The following INSC variants were observed in gnomAD, a reference collection of about 807,000 sequenced individuals.
INSC encodes protein inscuteable homolog.
INSC carries 67 observed loss-of-function variants against 58.6 expected under a neutral mutation model. The observed-to-expected ratio is 1.14, with a 90% CI of 0.94 to 1.40. The LOEUF (loss-of-function observed/expected upper bound fraction) is 1.40, where lower values mean the gene tolerates loss of function less well. Ranked by LOEUF, INSC falls within the 40% of genes most tolerant of loss-of-function variation. INSC has a pLI of 0.00. For synonymous variants in INSC, 262 were observed against 276.1 expected, an observed-to-expected ratio of 0.95 and a Z score of 0.51; for missense variants, 714 against 692.0, an observed-to-expected ratio of 1.03 and a Z score of -0.36.
intron 7 of INSC, among the ~76,000 whole-genome samples, chr11:15,207,341 C>G (rs959949023): frequency 2.0e-5 from 3 of 152,156 alleles, no homozygotes; most frequent in African/African-American, 7.2e-5. Context: ...AGTTAGTTCA[C>G]TCTGTGCTGG....
Position 15,115,052 on chromosome 11 carries a change from T to C in INSC, c.-46+49T>C, listed in dbSNP as rs544610017. On this transcript the variant is annotated intron_variant, in intron 1 of 12. Coordinates refer to ENST00000379556, the MANE Select transcript of INSC (RefSeq NM_001042536.3). The stretch of plus-strand genomic sequence containing the variant: ...GGATTCAGGGGGCTGGTGATGCCTC[T>C]GCTAGCCTAGTTGGGAACAGTGCAG... 94 of 970,168 alleles carry C rather than the reference T, an allele frequency of 9.7e-5. 1 individual carries two copies. In the African/African-American group the frequency reaches 1.6e-3, roughly 16 times the overall value. The allele number at this position is 970,168 out of a possible 1,614,324, so 60.1% of individuals were successfully genotyped here. A position where few individuals can be genotyped will look rare whatever the true frequency, so the allele number is the denominator to read the frequency against.
At chr11:15,124,471 C>T (rs1460479573) in intron 1 of INSC, among the ~76,000 whole-genome samples, 1 of 152,122 alleles carries the variant, frequency 6.6e-6, no homozygotes, top group Non-Finnish European at 1.5e-5. Flanking sequence ...TGTTAGGGGG[C>T]TCTGGCCTTA....
At chr11:15,185,076 G>T (rs763691729) in intron 5 of INSC, among the ~76,000 whole-genome samples, 1 of 152,184 alleles carries the variant, frequency 6.6e-6, no homozygotes, top group African/African-American at 2.4e-5. Flanking sequence ...CACCTCTAAA[G>T]ATTGGGTAAC....
At chr11:15,188,235 A>G in intron 5 of INSC, 1 of 985,460 alleles carries the variant, frequency 1.0e-6, no homozygotes. Flanking sequence ...TGCGAAGGGA[A>G]TGGGAAGCCA....
chr11:15,269,101 C>T, the INSC span, among the ~76,000 whole-genome samples: 1 of 151,708 alleles, frequency 6.6e-6, no homozygotes, highest in African/African-American at 2.4e-5. Context: ...ACAATGTTAC[C>T]CTACTCAGTA....
chr11:15,208,425 G>T (rs1850891749), intron 7 of INSC, among the ~76,000 whole-genome samples: 1 of 152,216 alleles, frequency 6.6e-6, no homozygotes, highest in African/African-American at 2.4e-5. Flanking sequence ...AGCCTTGCAA[G>T]GGGGCAGGGC....
intron 7 of INSC, among the ~76,000 whole-genome samples, chr11:15,211,484 G>T (rs1158480411): frequency 6.6e-6 from 1 of 152,034 alleles, no homozygotes; most frequent in African/African-American, 2.4e-5. Flanking sequence ...CCTGTGGTAG[G>T]TTTTTTTATT....
At position 15,212,214 on chromosome 11, in the gene INSC, G is replaced by C. The variant is rs568341416; in HGVS notation, c.820-9263G>C. On this transcript the variant is annotated intron_variant, in intron 7 of 12. Transcript: ENST00000379556. Reference sequence around the variant, plus strand: ...CCTCCCGGGTTCAAGCGATTCTCCTGCCTCAGCCTCCTGAGTAGCTAGGAT... The same window carrying C: ...CCTCCCGGGTTCAAGCGATTCTCCTCCCTCAGCCTCCTGAGTAGCTAGGAT... Among the ~76,000 whole-genome samples, 35 of 152,242 alleles carry C rather than the reference G, an allele frequency of 2.3e-4. No homozygotes were observed. The East Asian group carries it at 6.6e-3, about 29-fold the overall frequency.
At chr11:15,155,123 A>G (rs116061780) in intron 2 of INSC, among the ~76,000 whole-genome samples, 164 of 152,330 alleles carry the variant, frequency 1.1e-3, no homozygotes, top group African/African-American at 3.4e-3. Flanking sequence ...GCATTCTAAC[A>G]TTCTGCAAAA....
At chr11:15,212,736 T>C (rs1225121118) in intron 7 of INSC, among the ~76,000 whole-genome samples, 1 of 152,248 alleles carries the variant, frequency 6.6e-6, no homozygotes, top group Non-Finnish European at 1.5e-5. Flanking sequence ...TTTAATAGTG[T>C]ATAGATTCAT....
chr11:15,255,280 T>C, the INSC span, among the ~76,000 whole-genome samples: 1 of 152,222 alleles, frequency 6.6e-6, no homozygotes, highest in Admixed American at 6.5e-5. Context: ...AGTTAATTCT[T>C]AAGCACAGAT....
intron 1 of INSC, among the ~76,000 whole-genome samples, chr11:15,127,668 A>T (rs1848028871): frequency 6.6e-6 from 1 of 152,172 alleles, no homozygotes; most frequent in Non-Finnish European, 1.5e-5. Context: ...TTCCTCAGAG[A>T]ATATCCTGGG....
rs16931185 is a variant in INSC at position 15,202,046 on chromosome 11, C to T, written c.819+1097C>T. Among the ~76,000 whole-genome samples, 886 of 152,278 alleles carry T rather than the reference C, an allele frequency of 5.8e-3. 6 individuals carry two copies. Among genetic ancestry groups the T allele is most frequent in the Non-Finnish European group, 8.9e-3 (607 of 68,028 alleles). ...ATAGAATCATGAACTTACAGATGCT[C>T]TTAGCTAAGGATGGAATGTGGATAG... On this transcript the variant is annotated intron_variant, in intron 7 of 12. Transcript: ENST00000379556.
intron 1 of INSC, among the ~76,000 whole-genome samples, chr11:15,122,930 A>C (rs189096123): frequency 1.3e-5 from 2 of 152,280 alleles, no homozygotes; most frequent in African/African-American, 4.8e-5. Flanking sequence ...GATAAAGACC[A>C]CACTCCTTAA....
At chr11:15,178,583 A>G (rs562199406) in intron 5 of INSC, 136 bp downstream of exon 5, 388 of 1,074,406 alleles carry the variant, frequency 3.6e-4, no homozygotes, top group Non-Finnish European at 4.9e-4. Flanking sequence ...AAACCACCAA[A>G]GTCAACTCCA....
At chr11:15,236,964 G>A (rs569136770) in intron 10 of INSC, among the ~76,000 whole-genome samples, 79 of 152,306 alleles carry the variant, frequency 5.2e-4, no homozygotes, top group African/African-American at 1.7e-3. Flanking sequence ...TCTGTGCTCC[G>A]TTCTTTCGGT....
At chr11:15,265,557 T>A in the INSC span, among the ~76,000 whole-genome samples, 7 of 152,014 alleles carry the variant, frequency 4.6e-5, no homozygotes, top group South Asian at 1.5e-3. Context: ...AATTACTTAT[T>A]AGCATAAAAC....
chr11:15,178,260 G>A, intron 4 of INSC, 64 bp from the exon 5 acceptor site: 1 of 1,598,734 alleles, frequency 6.3e-7, no homozygotes, highest in South Asian at 1.1e-5. Flanking sequence ...TCTGGCCCGT[G>A]CAACATTTCT....
intron 1 of INSC, among the ~76,000 whole-genome samples, chr11:15,147,241 C>T (rs1318345059): frequency 6.6e-6 from 1 of 152,152 alleles, no homozygotes; most frequent in East Asian, 1.9e-4. Context: ...CCCTTTCAGC[C>T]TACTGGCTCA....
Sources: gnomAD v4.1 joint callset for allele counts (sites outside exome capture counted in the v4.1 genomes callset) on GRCh38, gnomAD v4.1.1 for gene constraint, MANE v1.5 for transcripts, NCBI Gene and HGNC (gene_info 2026-07-23, HGNC 2026-07-21) for gene names.